DNM3: variants seen among roughly 807,000 people sequenced by gnomAD.
The protein encoded by DNM3 is dynamin-3.
A neutral mutation model predicts 101.6 loss-of-function variants in DNM3; 47 were observed. The observed-to-expected ratio is 0.46, with a 90% CI of 0.37 to 0.59. The LOEUF (loss-of-function observed/expected upper bound fraction) is 0.59, where lower values mean the gene tolerates loss of function less well. DNM3 is among the 20% of genes least tolerant of loss of function. The probability of loss-of-function intolerance (pLI) is 0.00; values close to 1 mark genes in which losing one functional copy is unlikely to be tolerated. For synonymous variants in DNM3, 385 were observed against 387.9 expected (o/e 0.99, Z 0.09); for missense variants, 849 against 1,085.7 (o/e 0.78, Z 3.06).
At chr1:172,309,508 A>C (rs1573404875) in intron 16 of DNM3, 1 of 152,198 alleles carries the variant, frequency 6.6e-6, no homozygotes, top group Admixed American at 6.6e-5. Context: ...ACATATGTGC[A>C]CCCACCGTTA....
chr1:171,940,945 G>GT (rs2041768635), intron 2 of DNM3, among the ~76,000 whole-genome samples: 1 of 152,050 alleles, frequency 6.6e-6, no homozygotes, highest in African/African-American at 2.4e-5. Flanking sequence ...GATTTAGAAT[G>GT]TAGGTGTAAT....
intron 2 of DNM3, among the ~76,000 whole-genome samples, chr1:171,977,276 T>A (rs1367929735): frequency 1.3e-5 from 2 of 152,248 alleles, no homozygotes; most frequent in Non-Finnish European, 2.9e-5. Flanking sequence ...CCAGCCTTAT[T>A]CTGGCCTTTC....
intron 2 of DNM3, among the ~76,000 whole-genome samples, chr1:171,959,372 G>C (rs769391815): frequency 6.6e-6 from 1 of 152,080 alleles, no homozygotes; most frequent in Non-Finnish European, 1.5e-5. Context: ...ATATCCTCAG[G>C]TTTCTAGCTT....
chr1:172,113,331 C>T (rs1215846659), intron 13 of DNM3, among the ~76,000 whole-genome samples: 2 of 152,056 alleles, frequency 1.3e-5, no homozygotes, highest in Non-Finnish European at 2.9e-5. Flanking sequence ...AGGGGATATA[C>T]TATTATTAGC....
chr1:172,148,461 G>T (rs969927037), intron 14 of DNM3, among the ~76,000 whole-genome samples: 4 of 151,950 alleles, frequency 2.6e-5, no homozygotes, highest in Admixed American at 6.6e-5. Context: ...AAAACATAGT[G>T]TGCTTTTAAT....
At chr1:172,064,742 T>G (rs915905073) in intron 10 of DNM3, among the ~76,000 whole-genome samples, 2 of 152,178 alleles carry the variant, frequency 1.3e-5, no homozygotes, top group Non-Finnish European at 2.9e-5. Flanking sequence ...ACTCCCACAA[T>G]CAGTTCAATA....
intron 2 of DNM3, among the ~76,000 whole-genome samples, chr1:171,960,845 T>C (rs925264455): frequency 6.6e-6 from 1 of 151,984 alleles, no homozygotes; most frequent in Non-Finnish European, 1.5e-5. Flanking sequence ...GGTAGTTAGA[T>C]TGTAGGTAAG....
intron 8 of DNM3, among the ~76,000 whole-genome samples, chr1:172,043,074 A>G (rs2049507036): frequency 6.6e-6 from 1 of 152,172 alleles, no homozygotes; most frequent in African/African-American, 2.4e-5. Context: ...AGGCTTGTGC[A>G]AGGGGGAAAT....
At chr1:172,246,370 G>A (rs1271737066) in intron 14 of DNM3, among the ~76,000 whole-genome samples, 1 of 151,892 alleles carries the variant, frequency 6.6e-6, no homozygotes, top group East Asian at 1.9e-4. Flanking sequence ...TATAGGACTT[G>A]TCAGAATTTT....
chr1:172,062,387 CTT>C (rs1008078835), intron 10 of DNM3, among the ~76,000 whole-genome samples: 29 of 152,192 alleles, frequency 1.9e-4, no homozygotes, highest in African/African-American at 6.7e-4. Flanking sequence ...CAAGGTTGGA[CTT>C]TTTGTTTTTG....
intron 1 of DNM3, among the ~76,000 whole-genome samples, chr1:171,869,808 A>G (rs900681839): frequency 1.1e-4 from 17 of 152,226 alleles, no homozygotes; most frequent in Non-Finnish European, 2.4e-4. Flanking sequence ...AATCCTGACC[A>G]ATGACTTTCA....
chr1:172,168,437 A>G (rs1298633182), intron 14 of DNM3, among the ~76,000 whole-genome samples: 1 of 151,986 alleles, frequency 6.6e-6, no homozygotes, highest in East Asian at 1.9e-4. Flanking sequence ...AGGGCTGAGT[A>G]TGCAATTGTT....
At chr1:172,259,172 G>A (rs1210729712) in intron 15 of DNM3, among the ~76,000 whole-genome samples, 1 of 151,752 alleles carries the variant, frequency 6.6e-6, no homozygotes, top group Non-Finnish European at 1.5e-5. Flanking sequence ...CTACTATATG[G>A]TCTACCCTAG....
intron 14 of DNM3, among the ~76,000 whole-genome samples, chr1:172,151,557 C>T (rs1233394350): frequency 1.3e-5 from 2 of 152,158 alleles, no homozygotes. Flanking sequence ...CAAGAAAAAA[C>T]TAGCCTTTGT....
At chr1:172,365,969 C>T (rs555825797) in intron 17 of DNM3, among the ~76,000 whole-genome samples, 4 of 152,088 alleles carry the variant, frequency 2.6e-5, no homozygotes, top group African/African-American at 9.6e-5. Flanking sequence ...GTGGCTAATG[C>T]CTGTAATCTC....
intron 1 of DNM3, among the ~76,000 whole-genome samples, chr1:171,908,534 A>G (rs1003832083): frequency 2.6e-5 from 4 of 152,066 alleles, no homozygotes; most frequent in Non-Finnish European, 5.9e-5. Flanking sequence ...TCCAAATTTC[A>G]GTATTTTAAT....
At chr1:172,404,144 T>G (rs2070712088) in intron 20 of DNM3, among the ~76,000 whole-genome samples, 1 of 152,148 alleles carries the variant, frequency 6.6e-6, no homozygotes, top group African/African-American at 2.4e-5. Context: ...TTTTAATGAC[T>G]AAGTACATAT....
chr1:171,855,241 G>A (rs2033470466), intron 1 of DNM3, among the ~76,000 whole-genome samples: 1 of 152,104 alleles, frequency 6.6e-6, no homozygotes, highest in African/African-American at 2.4e-5. Context: ...GTATTCCATG[G>A]TATATATGTA....
intron 1 of DNM3, among the ~76,000 whole-genome samples, chr1:171,901,914 T>C (rs2038391690): frequency 6.6e-6 from 1 of 152,130 alleles, no homozygotes; most frequent in African/African-American, 2.4e-5. Flanking sequence ...CTTACATAAA[T>C]TGATGAGAGA....
Sources: allele counts gnomAD v4.1 joint callset (sites outside exome capture counted in the v4.1 genomes callset), GRCh38; gene constraint gnomAD v4.1.1; transcripts MANE v1.5; gene names NCBI Gene and HGNC (gene_info 2026-07-23, HGNC 2026-07-21).